Variants in RERE observed in about 807,000 individuals in gnomAD.
RERE encodes arginine-glutamic acid dipeptide repeats protein.
RERE carries 40 observed loss-of-function variants against 146.1 expected under a neutral mutation model. The ratio of observed to expected loss-of-function variants is 0.27; its 90% CI spans 0.21 to 0.36. The LOEUF (loss-of-function observed/expected upper bound fraction) is 0.36, where lower values mean the gene tolerates loss of function less well. RERE is among the 10% of genes least tolerant of loss of function. The pLI, the probability that RERE is intolerant of heterozygous loss-of-function variation, is 1.00. For synonymous variants in RERE, 1,003 were observed against 866.0 expected (o/e 1.16, Z -2.78); for missense variants, 1,933 against 2,138.7 (o/e 0.90, Z 1.90).
At chr1:8,366,929 C>CAA (rs1292789143) in intron 12 of RERE, among the ~76,000 whole-genome samples, 1 of 84,306 alleles carries the variant, frequency 1.2e-5, no homozygotes, top group Non-Finnish European at 2.4e-5. Context: ...AAAAAAAAAA[C>CAA]AAAAAAAAAA....
chr1:8,539,608 G>A (rs1173619395), intron 7 of RERE, among the ~76,000 whole-genome samples: 2 of 152,078 alleles, frequency 1.3e-5, no homozygotes, highest in East Asian at 1.9e-4. Context: ...GTTTCACCAC[G>A]TTGGCCAGGC....
intron 1 of RERE, among the ~76,000 whole-genome samples, chr1:8,794,161 G>A (rs1641420551): frequency 6.6e-6 from 1 of 151,740 alleles, no homozygotes; most frequent in African/African-American, 2.4e-5. Flanking sequence ...ACTTTGGGAG[G>A]CCGAGGTGGG....
intron 10 of RERE, among the ~76,000 whole-genome samples, chr1:8,481,120 A>G (rs577808031): frequency 1.8e-4 from 28 of 152,002 alleles, no homozygotes; most frequent in Non-Finnish European, 3.8e-4. Flanking sequence ...TTAACCAGAC[A>G]TTTCTTTCTG....
chr1:8,458,207 T>C (rs1301846255), intron 11 of RERE, among the ~76,000 whole-genome samples: 2 of 152,116 alleles, frequency 1.3e-5, no homozygotes, highest in African/African-American at 4.8e-5. Flanking sequence ...GGAGAACAAA[T>C]GCAATCTCTC....
At chr1:8,414,481 G>A (rs549211024) in intron 12 of RERE, among the ~76,000 whole-genome samples, 15 of 152,084 alleles carry the variant, frequency 9.9e-5, no homozygotes, top group Admixed American at 1.3e-4. Context: ...ACTTGAACCC[G>A]GGAGGTGGAG....
intron 1 of RERE, among the ~76,000 whole-genome samples, chr1:8,722,122 T>C (rs895764708): frequency 2.0e-5 from 3 of 152,208 alleles, no homozygotes; most frequent in African/African-American, 4.8e-5. Flanking sequence ...TCATAAGGTA[T>C]TGCCCAATTC....
At chr1:8,589,238 T>C (rs1167689938) in intron 4 of RERE, among the ~76,000 whole-genome samples, 2 of 145,758 alleles carry the variant, frequency 1.4e-5, no homozygotes, top group South Asian at 4.3e-4. Context: ...TCAGGAGTTC[T>C]AGACCAGCCT....
chr1:8,756,518 C>T (rs1328467154), intron 1 of RERE, among the ~76,000 whole-genome samples: 1 of 152,066 alleles, frequency 6.6e-6, no homozygotes, highest in Admixed American at 6.5e-5. Flanking sequence ...AAAATGAGAA[C>T]CATATTTCTG....
intron 2 of RERE, 103 bp from the exon 3 acceptor site, chr1:8,624,483 A>T: frequency 2.9e-6 from 2 of 696,862 alleles, no homozygotes; most frequent in East Asian, 2.8e-5. Context: ...CAAAGCACAT[A>T]TCTTTTATTG....
At chr1:8,700,690 A>C (rs1300907283) in intron 1 of RERE, among the ~76,000 whole-genome samples, 1 of 152,128 alleles carries the variant, frequency 6.6e-6, no homozygotes, top group Non-Finnish European at 1.5e-5. Context: ...AATGATGCCA[A>C]CATTTATTTC....
At chr1:8,439,167 T>A (rs1004186212) in intron 11 of RERE, among the ~76,000 whole-genome samples, 2 of 152,330 alleles carry the variant, frequency 1.3e-5, no homozygotes, top group Admixed American at 1.3e-4. Context: ...GACTTCTCTC[T>A]GTCAAAAATG....
intron 1 of RERE, among the ~76,000 whole-genome samples, chr1:8,695,679 G>A (rs1639313534): frequency 1.4e-5 from 2 of 147,426 alleles, no homozygotes; most frequent in South Asian, 4.4e-4. Context: ...AGAATCACTT[G>A]AACCTGGGAG....
At position 8,361,252 on chromosome 1, in the gene RERE, G is replaced by A. The variant is rs748527670; in HGVS notation, c.2255C>T (p.Ser752Phe). Residue 752 changes from serine to phenylalanine, a missense_variant, in exon 18 of 23, where the codon TCC becomes TTC. Physicochemically the swap from Ser to Phe is radical, Grantham distance 155. This residue lies in a region of RERE where 1,255 missense variants were observed against 1,153.8 expected (regional missense o/e 1.09). Transcript: ENST00000400908. ...QAPTGVTPAPSSAPPGTPQLP... is the reference protein window; with the variant it reads ...QAPTGVTPAPFSAPPGTPQLP... The stretch of plus-strand genomic sequence containing the variant: ...CTGAGGGGTCCCTGGAGGAGCTGAG[G>A]AGGGAGCTGGGGTGACCCCAGTGGG... The A allele has an allele frequency of 1.3e-6, 2 of 1,568,816 alleles. No homozygotes were observed. Among genetic ancestry groups the A allele is most frequent in the Admixed American group, 1.8e-5 (1 of 56,132 alleles).
At chr1:8,529,287 C>CTTCTTTTTTTTTTTTTTTTT (rs1382281413) in intron 7 of RERE, among the ~76,000 whole-genome samples, 2 of 102,446 alleles carry the variant, frequency 2.0e-5, no homozygotes, top group African/African-American at 7.7e-5. Context: ...GTTCTCCCTT[C>CTTCTTTTTTTTTTTTTTTTT]TTTTTTTTTT....
chr1:8,769,515 G>A (rs1640906255), intron 1 of RERE, among the ~76,000 whole-genome samples: 2 of 151,972 alleles, frequency 1.3e-5, no homozygotes, highest in South Asian at 2.1e-4. Flanking sequence ...GGTCTCAATC[G>A]CTCACCCAGG....
chr1:8,817,597 G>A lies in RERE; in HGVS notation c.-582C>T, dbSNP rs1262579782. 6.6e-6 allele frequency: 1 copy of A among 151,558 alleles called. No individual in the cohort carries two copies. The highest frequency in any genetic ancestry group is 2.4e-5 in the African/African-American group (1 of 41,296). 9.4% of individuals were successfully genotyped at this position (151,558 alleles called of 1,614,324 possible). On this transcript the variant is annotated 5_prime_UTR_variant, in exon 1 of 23. Coordinates refer to ENST00000400908, the MANE Select transcript of RERE (RefSeq NM_001042681.2). Reference sequence around the variant, plus strand: ...GGCGAGCGTCTCGGGGTGTGCGGGAGGCTGAGGAGGCTCCGGAGCGCGGAG... The same window carrying A: ...GGCGAGCGTCTCGGGGTGTGCGGGAAGCTGAGGAGGCTCCGGAGCGCGGAG...
intron 12 of RERE, among the ~76,000 whole-genome samples, chr1:8,404,790 C>T (rs747525395): frequency 3.9e-5 from 6 of 152,108 alleles, no homozygotes; most frequent in Non-Finnish European, 7.4e-5. Flanking sequence ...TGGTGCCAAC[C>T]GTGTCAGGGC....
chr1:8,504,468 T>G (rs747592957), intron 8 of RERE, among the ~76,000 whole-genome samples: 1 of 151,956 alleles, frequency 6.6e-6, no homozygotes, highest in African/African-American at 2.4e-5. Context: ...AAGATAAGGG[T>G]GAAGTTTCAT....
intron 1 of RERE, among the ~76,000 whole-genome samples, chr1:8,768,233 G>C (rs1266926243): frequency 1.3e-5 from 2 of 152,140 alleles, no homozygotes; most frequent in African/African-American, 4.8e-5. Flanking sequence ...CTTAAAGATA[G>C]AAATAACTAA....
Sources: gnomAD v4.1 joint callset for allele counts (sites outside exome capture counted in the v4.1 genomes callset) on GRCh38, gnomAD v4.1.1 for gene constraint, gnomAD v4.1.1 regional missense constraint, MANE v1.5 for transcripts, NCBI Gene and HGNC (gene_info 2026-07-23, HGNC 2026-07-21) for gene names.